The following IL1RAPL1 variants were observed in gnomAD, a reference collection of about 807,000 sequenced individuals.
IL1RAPL1 encodes interleukin-1 receptor accessory protein-like 1.
Under a neutral mutation model 48.4 loss-of-function variants are expected in IL1RAPL1, and 3 were observed. That is an observed-to-expected ratio of 0.06 (90% confidence interval 0.03 to 0.16). IL1RAPL1 has a LOEUF of 0.16. IL1RAPL1 is among the 10% of genes least tolerant of loss of function. The probability of loss-of-function intolerance (pLI) is 1.00; values close to 1 mark genes in which losing one functional copy is unlikely to be tolerated. For synonymous variants in IL1RAPL1, 185 were observed against 187.7 expected, an observed-to-expected ratio of 0.99 and a Z score of 0.12; for missense variants, 349 against 530.6, an observed-to-expected ratio of 0.66 and a Z score of 3.36.
chrX:29,181,412 A>C (rs747403163), intron 2 of IL1RAPL1, among the ~76,000 whole-genome samples: 1 of 111,804 alleles, frequency 8.9e-6, no homozygotes, highest in South Asian at 3.7e-4. Context: ...TAAACCTATA[A>C]TTTTTTACAT....
intron 2 of IL1RAPL1, among the ~76,000 whole-genome samples, chrX:29,277,180 A>AT (rs1281670717): frequency 5.4e-5 from 6 of 111,886 alleles, no homozygotes; most frequent in African/African-American, 1.9e-4. Flanking sequence ...AAGAATCCAG[A>AT]TTTTCTTGTA....
At chrX:29,560,127 A>G (rs1392743858) in intron 5 of IL1RAPL1, among the ~76,000 whole-genome samples, 1 of 111,820 alleles carries the variant, frequency 8.9e-6, no homozygotes, top group African/African-American at 3.3e-5. Flanking sequence ...TACAAAGTCT[A>G]TCTCCTCTTC....
chrX:29,634,770 C>T (rs1924912836), intron 5 of IL1RAPL1, among the ~76,000 whole-genome samples: 1 of 111,880 alleles, frequency 8.9e-6, no homozygotes, highest in Non-Finnish European at 1.9e-5. Flanking sequence ...TTATAAATAG[C>T]AGTGGTCAGC....
intron 1 of IL1RAPL1, among the ~76,000 whole-genome samples, chrX:28,738,576 G>A (rs905780424): frequency 7.1e-4 from 79 of 111,322 alleles, no homozygotes; most frequent in African/African-American, 2.1e-3. Flanking sequence ...GAAAAGGTGA[G>A]GGGGTGAGTT....
chrX:29,265,251 T>C (rs1242157222), intron 2 of IL1RAPL1, among the ~76,000 whole-genome samples: 1 of 109,503 alleles, frequency 9.1e-6, no homozygotes, highest in African/African-American at 3.3e-5. Context: ...TACCTTTAAC[T>C]TATGAATATA....
At chrX:29,925,420 T>TTTTG (rs1932879695) in intron 8 of IL1RAPL1, among the ~76,000 whole-genome samples, 2 of 19,530 alleles carry the variant, frequency 1.0e-4, no homozygotes, top group Non-Finnish European at 2.0e-4. Context: ...CTGTTTTTTT[T>TTTTG]TTTTTTTTTT....
At chrX:29,365,653 C>A (rs936185442) in intron 3 of IL1RAPL1, among the ~76,000 whole-genome samples, 2 of 104,488 alleles carry the variant, frequency 1.9e-5, no homozygotes, top group African/African-American at 7.0e-5. Flanking sequence ...CCACTGCTGT[C>A]CAGCCTGGGT....
intron 6 of IL1RAPL1, among the ~76,000 whole-genome samples, chrX:29,825,736 T>C (rs917767071): frequency 1.5e-4 from 17 of 112,286 alleles, no homozygotes; most frequent in African/African-American, 5.2e-4. Flanking sequence ...TGTAACTTAT[T>C]CAAATAAAAC....
chrX:28,760,540 G>A (rs1372829892), intron 1 of IL1RAPL1, among the ~76,000 whole-genome samples: 1 of 111,690 alleles, frequency 9.0e-6, no homozygotes, highest in Non-Finnish European at 1.9e-5. Context: ...CCATATGGAT[G>A]GGTCTCAAAA....
At chrX:29,630,066 T>C (rs1451934006) in intron 5 of IL1RAPL1, among the ~76,000 whole-genome samples, 1 of 112,171 alleles carries the variant, frequency 8.9e-6, no homozygotes, top group Non-Finnish European at 1.9e-5. Context: ...AGAAACTTCT[T>C]TCTCACTGCT....
At chrX:29,938,148 G>T (rs779617051) in intron 8 of IL1RAPL1, among the ~76,000 whole-genome samples, 35 of 111,225 alleles carry the variant, frequency 3.1e-4, no homozygotes, top group Non-Finnish European at 6.0e-4. Flanking sequence ...GTAGCAATGG[G>T]AGTAACTCCT....
intron 2 of IL1RAPL1, among the ~76,000 whole-genome samples, chrX:28,835,146 T>A (rs1414623448): frequency 2.7e-5 from 3 of 111,194 alleles, no homozygotes; most frequent in Non-Finnish European, 5.7e-5. Context: ...ATTTAAAAAT[T>A]AGGATATCAC....
rs144013909 is a variant in IL1RAPL1 at position 29,593,709 on chromosome X, G to T, written c.704-74721G>T. Reference sequence around the variant, plus strand: ...TACTCATTTACTCATTAGTTAAATAGACTCTTTAAATACATGTTCATTTCA... The same window carrying T: ...TACTCATTTACTCATTAGTTAAATATACTCTTTAAATACATGTTCATTTCA... On this transcript the variant is annotated intron_variant, in intron 5 of 10. Transcript: ENST00000378993. Among the ~76,000 whole-genome samples the T allele has an allele frequency of 6.3e-3, 702 of 111,985 alleles. 5 individuals carry two copies. The highest frequency in any genetic ancestry group is 0.016 in the South Asian group (44 of 2,688).
intron 3 of IL1RAPL1, among the ~76,000 whole-genome samples, chrX:29,349,940 C>T (rs1933200877): frequency 9.3e-6 from 1 of 107,953 alleles, no homozygotes; most frequent in Non-Finnish European, 1.9e-5. Context: ...CTCAATTAAT[C>T]TAACATGTGA....
intron 3 of IL1RAPL1, among the ~76,000 whole-genome samples, chrX:29,346,689 A>G (rs538403645): frequency 3.6e-5 from 4 of 112,393 alleles, no homozygotes; most frequent in Admixed American, 1.9e-4. Flanking sequence ...TTTCAAGCAG[A>G]TAATTAATTT....
At chrX:29,077,088 A>G (rs149257925) in intron 2 of IL1RAPL1, among the ~76,000 whole-genome samples, 10 of 111,906 alleles carry the variant, frequency 8.9e-5, no homozygotes, top group Non-Finnish European at 1.5e-4. Flanking sequence ...TCTAAAATAA[A>G]TTGGTAATTA....
At chrX:29,429,878 A>G (rs1934395052) in intron 5 of IL1RAPL1, among the ~76,000 whole-genome samples, 1 of 62,743 alleles carries the variant, frequency 1.6e-5, no homozygotes, top group Non-Finnish European at 3.0e-5. Flanking sequence ...TAGTGTATAT[A>G]TATGTGTGTG....
chrX:28,963,993 T>C (rs1924855435), intron 2 of IL1RAPL1, among the ~76,000 whole-genome samples: 1 of 111,910 alleles, frequency 8.9e-6, no homozygotes, highest in African/African-American at 3.2e-5. Context: ...TTATACTCTA[T>C]ATTGTTTTCT....
intron 1 of IL1RAPL1, among the ~76,000 whole-genome samples, chrX:28,740,024 G>T: frequency 9.0e-6 from 1 of 110,902 alleles, no homozygotes; most frequent in Middle Eastern, 4.6e-3. Context: ...GGCATAAAAA[G>T]TTGGTGCTCA....
Sources: allele counts gnomAD v4.1 joint callset (sites outside exome capture counted in the v4.1 genomes callset), GRCh38; gene constraint gnomAD v4.1.1; transcripts MANE v1.5; gene names NCBI Gene and HGNC (gene_info 2026-07-23, HGNC 2026-07-21).